The following MAPKAP1 variants were observed in gnomAD, a reference collection of about 807,000 sequenced individuals.
MAPKAP1 encodes the protein MAPK associated protein 1, also known as target of rapamycin complex 2 subunit MAPKAP1.
Under a neutral mutation model 65.7 loss-of-function variants are expected in MAPKAP1, and 20 were observed. The ratio of observed to expected loss-of-function variants is 0.30; its 90% CI spans 0.21 to 0.44. The LOEUF (loss-of-function observed/expected upper bound fraction) is 0.44, where lower values mean the gene tolerates loss of function less well. Ranked by LOEUF, MAPKAP1 falls within the 20% of genes least tolerant of loss-of-function variation. The pLI is 1.00. For missense variants in MAPKAP1, 423 were observed against 648.0 expected (o/e 0.65, Z 3.77); for synonymous variants, 222 against 244.3 (o/e 0.91, Z 0.85).
At chr9:125,592,902 C>CAAA (rs35339033) in intron 4 of MAPKAP1, among the ~76,000 whole-genome samples, 6 of 70,922 alleles carry the variant, frequency 8.5e-5, no homozygotes, top group Non-Finnish European at 1.2e-4. Flanking sequence ...GACTCCGTCT[C>CAAA]AAAAAAAAAA....
chr9:125,561,598 G>C (rs1830895612), intron 5 of MAPKAP1, among the ~76,000 whole-genome samples: 1 of 152,170 alleles, frequency 6.6e-6, no homozygotes, highest in African/African-American at 2.4e-5. Flanking sequence ...CTTTGGATGA[G>C]GAAAATGTCA....
intron 10 of MAPKAP1, among the ~76,000 whole-genome samples, chr9:125,449,764 GC>G (rs1443652213): frequency 6.6e-6 from 1 of 152,148 alleles, no homozygotes; most frequent in East Asian, 1.9e-4. Flanking sequence ...GGTTCTTCCT[GC>G]CAGTTCAGGG....
intron 8 of MAPKAP1, among the ~76,000 whole-genome samples, chr9:125,494,771 GACTA>G (rs1199835119): frequency 2.0e-5 from 3 of 152,148 alleles, no homozygotes; most frequent in Non-Finnish European, 4.4e-5. Flanking sequence ...CTCATTATTG[GACTA>G]ACTCCTTTTT....
chr9:125,503,983 C>T (rs891026875), intron 8 of MAPKAP1, among the ~76,000 whole-genome samples: 13 of 148,572 alleles, frequency 8.7e-5, no homozygotes, highest in African/African-American at 3.0e-4. Flanking sequence ...GTAAACCACT[C>T]ACCTCAGCCT....
At chr9:125,569,644 TCCTTGGGAAAAACAGGAGGCA>T (rs1190556979) in intron 5 of MAPKAP1, among the ~76,000 whole-genome samples, 2 of 152,156 alleles carry the variant, frequency 1.3e-5, no homozygotes, top group Non-Finnish European at 2.9e-5. Flanking sequence ...TCTAACAGCC[TCCTTGGGAAAAACAGGAGGCA>T]CCAGAGACCC....
chr9:125,702,363 C>T (rs182169844), intron 1 of MAPKAP1, among the ~76,000 whole-genome samples: 282 of 151,552 alleles, frequency 1.9e-3, no homozygotes, highest in Non-Finnish European at 3.2e-3. Flanking sequence ...GCAGAAACCC[C>T]GCCTCTACTA....
At chr9:125,539,622 C>T (rs1589269306) in intron 7 of MAPKAP1, among the ~76,000 whole-genome samples, 1 of 152,308 alleles carries the variant, frequency 6.6e-6, no homozygotes, top group South Asian at 2.1e-4. Flanking sequence ...AGAGGGAGAA[C>T]TTGAATTAAG....
intron 5 of MAPKAP1, among the ~76,000 whole-genome samples, chr9:125,574,741 G>A (rs576590883): frequency 6.6e-6 from 1 of 152,332 alleles, no homozygotes; most frequent in South Asian, 2.1e-4. Context: ...ATTGGTTGTG[G>A]TAGTAGCTGG....
At chr9:125,614,049 C>T (rs536170792) in intron 4 of MAPKAP1, among the ~76,000 whole-genome samples, 18 of 152,074 alleles carry the variant, frequency 1.2e-4, no homozygotes, top group South Asian at 2.1e-4. Flanking sequence ...CCACCCGCCT[C>T]GGCCTCCCAA....
At chr9:125,636,708 T>C (rs1379529360) in intron 4 of MAPKAP1, among the ~76,000 whole-genome samples, 1 of 152,240 alleles carries the variant, frequency 6.6e-6, no homozygotes, top group South Asian at 2.1e-4. Flanking sequence ...CCAATGACTA[T>C]AGCAGCATTT....
chr9:125,473,473 G>A (rs1853999049), intron 9 of MAPKAP1, among the ~76,000 whole-genome samples: 1 of 152,150 alleles, frequency 6.6e-6, no homozygotes, highest in Non-Finnish European at 1.5e-5. Flanking sequence ...AGAAAACATT[G>A]CCTGATTGCT....
intron 4 of MAPKAP1, among the ~76,000 whole-genome samples, chr9:125,629,667 A>G (rs948538548): frequency 1.3e-5 from 2 of 152,236 alleles, no homozygotes; most frequent in Non-Finnish European, 2.9e-5. Context: ...TGCAAGACTG[A>G]AGTTTGAGAG....
intron 10 of MAPKAP1, among the ~76,000 whole-genome samples, chr9:125,448,623 A>G (rs1382996562): frequency 2.0e-5 from 3 of 152,222 alleles, no homozygotes; most frequent in African/African-American, 7.2e-5. Context: ...TGAAAATTCC[A>G]AGACCACCAG....
intron 1 of MAPKAP1, among the ~76,000 whole-genome samples, chr9:125,690,239 G>C (rs1835126620): frequency 6.6e-6 from 1 of 152,164 alleles, no homozygotes; most frequent in Non-Finnish European, 1.5e-5. Flanking sequence ...AAGAGAGAGA[G>C]CTGGCAATTA....
intron 7 of MAPKAP1, among the ~76,000 whole-genome samples, chr9:125,507,837 T>C (rs1829187641): frequency 6.6e-6 from 1 of 152,232 alleles, no homozygotes; most frequent in East Asian, 1.9e-4. Flanking sequence ...GTTTTAAAAT[T>C]ATTGGTAGTA....
chr9:125,678,209 T>C (rs554497667), intron 1 of MAPKAP1, among the ~76,000 whole-genome samples: 5 of 152,054 alleles, frequency 3.3e-5, no homozygotes, highest in Non-Finnish European at 7.4e-5. Flanking sequence ...TGAACCACTA[T>C]GCCAGGCCAA....
In MAPKAP1 at chr9:125,449,004, C is replaced by CAA. The variant is rs11358978; in HGVS notation, c.1346-4408_1346-4407dup. 7.9e-3 allele frequency among the ~76,000 whole-genome samples: 705 copies of CAA among 88,866 alleles called. 17 individuals are homozygous for CAA. The highest frequency in any genetic ancestry group is 0.02 in the African/African-American group (499 of 24,712). 58.3% of individuals were successfully genotyped at this position (88,866 alleles called of 152,430 possible). A position where few individuals can be genotyped will look rare whatever the true frequency, so the allele number is the denominator to read the frequency against. On this transcript the variant is annotated intron_variant, in intron 10 of 11. Coordinates refer to ENST00000265960, the MANE Select transcript of MAPKAP1 (RefSeq NM_001006617.3). Reference sequence around the variant, plus strand: ...TGGGTGACAGAGCGAGACTCTGTCTCAAAAAAAAAAAAAAAAAAAATCAGC... The same window carrying CAA: ...TGGGTGACAGAGCGAGACTCTGTCTCAAAAAAAAAAAAAAAAAAAAAATCAGC...
chr9:125,638,639 T>C (rs929690185), intron 4 of MAPKAP1, among the ~76,000 whole-genome samples: 9 of 152,224 alleles, frequency 5.9e-5, no homozygotes, highest in African/African-American at 2.2e-4. Context: ...CTGCCCAAGA[T>C]TAAACTGCAA....
chr9:125,688,994 G>C (rs557173859), intron 1 of MAPKAP1, among the ~76,000 whole-genome samples: 2 of 152,150 alleles, frequency 1.3e-5, no homozygotes, highest in South Asian at 4.2e-4. Context: ...CTAGGTATGG[G>C]TATACAGAGA....
Sources: gnomAD v4.1 joint callset for allele counts (sites outside exome capture counted in the v4.1 genomes callset) on GRCh38, gnomAD v4.1.1 for gene constraint, MANE v1.5 for transcripts, NCBI Gene and HGNC (gene_info 2026-07-23, HGNC 2026-07-21) for gene names.